Variants in STK31 observed in about 807,000 individuals in gnomAD.
STK31 encodes serine/threonine kinase 31, also known as serine/threonine-protein kinase 31.
In STK31, 89 loss-of-function variants were observed where a neutral mutation model predicts 129.7. The observed-to-expected ratio is 0.69, with a 90% CI of 0.58 to 0.82. The LOEUF (loss-of-function observed/expected upper bound fraction) is 0.82, where lower values mean the gene tolerates loss of function less well. Ranked by LOEUF, STK31 falls within the 40% of genes least tolerant of loss-of-function variation. The probability of loss-of-function intolerance (pLI) is 0.00; values close to 1 mark genes in which losing one functional copy is unlikely to be tolerated. For synonymous variants in STK31, 448 were observed against 395.3 expected (o/e 1.13, Z -1.58); for missense variants, 1,187 against 1,176.4 (o/e 1.01, Z -0.13).
rs917680912 is a variant in STK31, at chr7:23,736,962, A to C, written c.901A>C (p.Lys301Gln). ...LGSNVSLEKI[K>Q]QDQKLIEENE... The stretch of plus-strand genomic sequence containing the variant: ...GTCTAACGTCAGCCTGGAAAAAATT[A>C]AGCAGGACCAGAAACTGATTGAAGA... The change falls in exon 8 of 24, where the codon AAG becomes CAG. Residue 301 changes from lysine to glutamine, a missense_variant. Coordinates refer to ENST00000355870, the MANE Select transcript of STK31 (RefSeq NM_031414.5). The C allele has an allele frequency of 6.2e-7, 1 of 1,613,710 alleles. No homozygotes were observed. Among genetic ancestry groups the C allele is most frequent in the Admixed American group, 1.7e-5 (1 of 59,962 alleles).
At chr7:23,768,725 G>A (rs909027472) in intron 11 of STK31, among the ~76,000 whole-genome samples, 2 of 152,096 alleles carry the variant, frequency 1.3e-5, no homozygotes, top group African/African-American at 4.8e-5. Flanking sequence ...GGAAAACAGG[G>A]TAATGTCTAC....
In STK31 at chr7:23,832,118, A is replaced by T. The variant is rs1794588048; in HGVS notation, c.2830-18A>T. 1 of 1,563,408 alleles carries T rather than the reference A, an allele frequency of 6.4e-7. No homozygotes were observed. The highest frequency in any genetic ancestry group is 1.1e-5 in the South Asian group (1 of 89,232). ...TCCTTTTGTTCCTTTGTTTTGTAAC[A>T]CCTGTTTTTCCTTGCAGGATGATAA... On this transcript the variant is annotated intron_variant, in intron 23 of 23. Transcript: ENST00000355870.
intron 4 of STK31, chr7:23,722,334 G>C (rs1786761621): frequency 6.5e-6 from 1 of 153,410 alleles, no homozygotes; most frequent in Non-Finnish European, 1.4e-5. Context: ...AGGTCTGTTG[G>C]AGTTTGCTGG....
intron 6 of STK31, among the ~76,000 whole-genome samples, chr7:23,732,472 AT>A (rs1787491237): frequency 6.6e-6 from 1 of 152,150 alleles, no homozygotes; most frequent in Non-Finnish European, 1.5e-5. Context: ...ATACTCTGTC[AT>A]TCTTTTTGTT....
rs190516195 is a variant in STK31, at chr7:23,813,465, T to G, written c.2761-1679T>G. Among the ~76,000 whole-genome samples, 10 of 152,328 alleles carry G rather than the reference T, an allele frequency of 6.6e-5. No individual in the cohort carries two copies. The East Asian group carries it at 1.9e-3, about 29-fold the overall frequency. On this transcript the variant is annotated intron_variant, in intron 22 of 23. Coordinates refer to ENST00000355870, the MANE Select transcript of STK31 (RefSeq NM_031414.5). ...GATTTTTAATTTTATCTTGGACATT[T>G]TGGATACTATTTTAATAGATTCTGG... is the stretch of plus-strand genomic sequence containing the variant.
rs544633101 is a variant in STK31, at chr7:23,806,825, G to A, written c.2761-8319G>A. ...TGAGGCAGGAGAATGGTGTGAACCC[G>A]GGAGGCGGAGCTTGCAGTGAGCAGA... On this transcript the variant is annotated intron_variant, in intron 22 of 23. Coordinates refer to ENST00000355870, the MANE Select transcript of STK31 (RefSeq NM_031414.5). Among the ~76,000 whole-genome samples, 677 of 151,408 alleles carry A rather than the reference G, an allele frequency of 4.5e-3. 6 individuals are homozygous for A. Among genetic ancestry groups the A allele is most frequent in the African/African-American group, 0.013 (541 of 41,158 alleles).
chr7:23,754,678 TG>T (rs1297995148), intron 10 of STK31, among the ~76,000 whole-genome samples: 1 of 152,148 alleles, frequency 6.6e-6, no homozygotes, highest in Non-Finnish European at 1.5e-5. Context: ...AGCCCTGGTG[TG>T]TATTGTTTCC....
chr7:23,761,011 A>G (rs1478697624), intron 10 of STK31, among the ~76,000 whole-genome samples: 1 of 152,200 alleles, frequency 6.6e-6, no homozygotes, highest in Admixed American at 6.5e-5. Flanking sequence ...GACATGTCTG[A>G]CAGCAAAGCC....
intron 8 of STK31, among the ~76,000 whole-genome samples, chr7:23,752,349 A>G (rs1365211561): frequency 1.5e-5 from 2 of 130,350 alleles, no homozygotes; most frequent in Non-Finnish European, 3.3e-5. Flanking sequence ...TCAAATTTGG[A>G]ATTTTTTTTT....
rs1175131469 is a variant in STK31 at position 23,783,656 on chromosome 7, A to T, written c.2141A>T (p.Lys714Ile). 1 of 1,610,308 alleles carries T rather than the reference A, an allele frequency of 6.2e-7. No homozygotes were observed. Among genetic ancestry groups the T allele is most frequent in the Non-Finnish European group, 8.5e-7 (1 of 1,178,626 alleles). ...CTTCATCCTGAAATAGGATTACTCA[A>T]ATACATGGTAAACTTTGTTTCCCTT... ...PLLHPEIGLL[K>I]YMNSGGLLTM... Residue 714 changes from lysine to isoleucine, a missense_variant, in exon 17 of 24, where the codon AAA (lysine) becomes ATA (isoleucine). By Grantham distance (102) the Lys-to-Ile change is moderately radical. Transcript: ENST00000355870.
At chr7:23,724,170 G>A (rs1247291375) in intron 4 of STK31, among the ~76,000 whole-genome samples, 6 of 152,158 alleles carry the variant, frequency 3.9e-5, no homozygotes. Context: ...TAAATGCTAT[G>A]CCGGACAGGA....
At chr7:23,813,747 A>G (rs1228301830) in intron 22 of STK31, among the ~76,000 whole-genome samples, 1 of 152,168 alleles carries the variant, frequency 6.6e-6, no homozygotes, top group Non-Finnish European at 1.5e-5. Flanking sequence ...ACCCTGGTCT[A>G]TGGGATGAAG....
intron 22 of STK31, among the ~76,000 whole-genome samples, chr7:23,806,604 A>T (rs1792715906): frequency 1.3e-5 from 2 of 152,200 alleles, no homozygotes; most frequent in Non-Finnish European, 2.9e-5. Flanking sequence ...TAGGAGGATT[A>T]AGAGATACAG....
chr7:23,813,893 C>G (rs1793305709), intron 22 of STK31, among the ~76,000 whole-genome samples: 1 of 151,934 alleles, frequency 6.6e-6, no homozygotes, highest in Non-Finnish European at 1.5e-5. Context: ...GGACCAGCTG[C>G]TTGTGGTGTG....
At position 23,718,263 on chromosome 7, in the gene STK31, C is replaced by G. The variant is rs529976088; in HGVS notation, c.249+684C>G. On this transcript the variant is annotated intron_variant, in intron 4 of 23. Coordinates refer to ENST00000355870, the MANE Select transcript of STK31 (RefSeq NM_031414.5). Reference sequence around the variant, plus strand: ...TATGCAGTGGTGAACAAACTAGATTCCTTGCATTTGACTTTGATTCACAAA... The same window carrying G: ...TATGCAGTGGTGAACAAACTAGATTGCTTGCATTTGACTTTGATTCACAAA... Among the ~76,000 whole-genome samples, 32 of 152,264 alleles carry G rather than the reference C, an allele frequency of 2.1e-4. No homozygotes were observed. In the South Asian group the frequency reaches 4.6e-3, roughly 22 times the overall value.
intron 22 of STK31, among the ~76,000 whole-genome samples, 177 bp from the exon 23 acceptor site, chr7:23,814,967 A>G (rs1402413510): frequency 6.6e-6 from 1 of 152,112 alleles, no homozygotes; most frequent in Non-Finnish European, 1.5e-5. Flanking sequence ...GAGCCCCAGG[A>G]ACCATTTGGT....
intron 23 of STK31, among the ~76,000 whole-genome samples, chr7:23,829,121 G>C (rs1307661823): frequency 6.6e-6 from 1 of 151,658 alleles, no homozygotes; most frequent in Non-Finnish European, 1.5e-5. Flanking sequence ...GTGTTGGTCA[G>C]GCTGATCTTG....
At chr7:23,798,434 G>T (rs10215122) in intron 22 of STK31, among the ~76,000 whole-genome samples, 5 of 117,594 alleles carry the variant, frequency 4.3e-5, no homozygotes, top group East Asian at 2.3e-4. Context: ...TGGGATGCAA[G>T]GCTGGTTCAA....
At chr7:23,800,809 A>C (rs2128120357) in intron 22 of STK31, among the ~76,000 whole-genome samples, 1 of 151,092 alleles carries the variant, frequency 6.6e-6, no homozygotes, top group Middle Eastern at 3.4e-3. Context: ...GGTATCATAC[A>C]GTATATAATT....
Sources: allele counts gnomAD v4.1 joint callset (sites outside exome capture counted in the v4.1 genomes callset), GRCh38; gene constraint gnomAD v4.1.1; transcripts MANE v1.5; gene names NCBI Gene and HGNC (gene_info 2026-07-23, HGNC 2026-07-21).